Variants in HSD17B4 observed in about 807,000 individuals in gnomAD.
HSD17B4 encodes hydroxysteroid 17-beta dehydrogenase 4, also known as peroxisomal multifunctional enzyme type 2.
Under a neutral mutation model 101.0 loss-of-function variants are expected in HSD17B4, and 70 were observed. That is an observed-to-expected ratio of 0.69 (90% CI 0.57 to 0.85). The LOEUF is 0.85. Among genes scored for constraint, HSD17B4 ranks in the 40% least tolerant of loss-of-function variants. The pLI, the probability that HSD17B4 is intolerant of heterozygous loss-of-function variation, is 0.00. For missense variants in HSD17B4, 984 were observed against 892.4 expected (o/e 1.10, Z -1.31); for synonymous variants, 347 against 297.1 (o/e 1.17, Z -1.73).
chr5:119,509,171 G>T lies in HSD17B4; in HGVS notation c.1364G>T (p.Cys455Phe). 1.3e-6 allele frequency: 2 copies of T among 1,599,992 alleles called. No individual in the cohort carries two copies. The highest frequency in any genetic ancestry group is 2.2e-5 in the South Asian group (2 of 90,748). The part of the protein sequence containing the change: ...VYSYSEKELI[C>F]HNQFSLFLVG... ...TCTTATTCTGAGAAGGAACTTATAT[G>T]CCACAATCAGTTCTCTCTCTTTCTT... The change falls in exon 16 of 24, where the codon TGC becomes TTC. Residue 455 changes from cysteine (C) to phenylalanine (F), a missense_variant. Transcript: ENST00000510025.
chr5:119,485,648 T>C (rs920787989), intron 8 of HSD17B4, among the ~76,000 whole-genome samples: 6 of 152,228 alleles, frequency 3.9e-5, no homozygotes, highest in Non-Finnish European at 1.5e-5. Flanking sequence ...AGGAATTATT[T>C]GTTAAAGAAC....
At chr5:119,479,264 A>C (rs1580563401) in intron 8 of HSD17B4, among the ~76,000 whole-genome samples, 1 of 150,066 alleles carries the variant, frequency 6.7e-6, no homozygotes, top group Non-Finnish European at 1.5e-5. Context: ...CATATTCATA[A>C]TTTTTTTTTT....
At chr5:119,526,308 G>A (rs1233430844) in intron 19 of HSD17B4, among the ~76,000 whole-genome samples, 1 of 101,830 alleles carries the variant, frequency 9.8e-6, no homozygotes, top group Non-Finnish European at 2.0e-5. Context: ...CAGTACGTAT[G>A]CCTTGAAAAC....
At chr5:119,514,544 A>G (rs1260919148) in intron 16 of HSD17B4, among the ~76,000 whole-genome samples, 4 of 152,186 alleles carry the variant, frequency 2.6e-5, no homozygotes, top group Non-Finnish European at 5.9e-5. Context: ...TAATTCAAAT[A>G]TTTTTGGTAA....
intron 2 of HSD17B4, among the ~76,000 whole-genome samples, chr5:119,460,244 T>C (rs1339928285): frequency 1.3e-5 from 2 of 152,182 alleles, no homozygotes; most frequent in South Asian, 2.1e-4. Flanking sequence ...GGGCTAAATA[T>C]TTAAACCATC....
Position 119,526,004 on chromosome 5 carries a change from C to T in HSD17B4, c.1661C>T (p.Ser554Leu), listed in dbSNP as rs760850787. The stretch of plus-strand genomic sequence containing the variant: ...CAGCAGTTTGCAGATAATGATGTGT[C>T]AAGATTCAAGGCAATTAAGGTAAAT... ...VLQQFADNDV[S>L]RFKAIKARFA... Residue 554 changes from serine (S) to leucine (L), a missense_variant, in exon 19 of 24, where the codon TCA becomes TTA. Coordinates refer to ENST00000510025, the MANE Select transcript of HSD17B4 (RefSeq NM_000414.4). The T allele has an allele frequency of 1.3e-6, 2 of 1,594,554 alleles. No homozygotes were observed. Among genetic ancestry groups the T allele is most frequent in the Non-Finnish European group, 1.7e-6 (2 of 1,162,620 alleles).
intron 6 of HSD17B4, 95 bp downstream of exon 6, chr5:119,475,965 C>G (rs894934049): frequency 2.9e-5 from 26 of 883,404 alleles, no homozygotes; most frequent in Non-Finnish European, 4.1e-5. Flanking sequence ...AAACCTGCTT[C>G]TATCTACTTT....
intron 2 of HSD17B4, among the ~76,000 whole-genome samples, chr5:119,473,297 ACTTTT>A (rs1748194882): frequency 3.4e-5 from 1 of 29,804 alleles, no homozygotes; most frequent in Admixed American, 5.0e-4. Context: ...TTTTTTTTTT[ACTTTT>A]CTTCCCTGCT....
At chr5:119,453,514 C>T (rs1156725714) in intron 1 of HSD17B4, among the ~76,000 whole-genome samples, 1 of 152,216 alleles carries the variant, frequency 6.6e-6, no homozygotes. Context: ...ACCTCTGTAA[C>T]CTCCAAGTGC....
At chr5:119,509,398 C>G (rs1751963006) in intron 16 of HSD17B4, 154 bp downstream of exon 16, 3 of 707,264 alleles carry the variant, frequency 4.2e-6, no homozygotes, top group Non-Finnish European at 7.7e-6. Flanking sequence ...AGACCAGTCC[C>G]TCTTCTTCCT....
chr5:119,482,038 G>A (rs1749188157), intron 8 of HSD17B4, among the ~76,000 whole-genome samples: 1 of 151,942 alleles, frequency 6.6e-6, no homozygotes, highest in Non-Finnish European at 1.5e-5. Flanking sequence ...AGATTCCTGT[G>A]GTTTGGTGTC....
chr5:119,542,097 A>G lies in HSD17B4; in HGVS notation c.*103A>G. 1 of 775,978 alleles carries G rather than the reference A, an allele frequency of 1.3e-6. No individual in the cohort carries two copies. The highest frequency in any genetic ancestry group is 2.3e-6 in the Non-Finnish European group (1 of 442,064). The allele number at this position is 775,978 out of a possible 1,614,324, so 48.1% of individuals were successfully genotyped here. A position where few individuals can be genotyped will look rare whatever the true frequency, so the allele number is the denominator to read the frequency against. On this transcript the variant is annotated 3_prime_UTR_variant, in exon 24 of 24. Transcript: ENST00000510025. ...AGTGATTAGAACTAAGATGCAGGGG[A>G]AATTGCTTAACATTTTCAGATATCA...
At chr5:119,475,607 TG>T in intron 4 of HSD17B4, 98 bp from the exon 5 acceptor site, 1 of 927,068 alleles carries the variant, frequency 1.1e-6, no homozygotes, top group Non-Finnish European at 1.7e-6. Context: ...TACTTTTTCA[TG>T]GTTAAAAAAC....
intron 8 of HSD17B4, among the ~76,000 whole-genome samples, chr5:119,485,540 T>C (rs1749541082): frequency 6.6e-6 from 1 of 152,168 alleles, no homozygotes; most frequent in African/African-American, 2.4e-5. Flanking sequence ...TTTATTCTGC[T>C]TTTTTCTTAC....
Position 119,466,186 on chromosome 5 carries a change from A to G in HSD17B4, c.113-7722A>G, listed in dbSNP as rs190074623. Among the ~76,000 whole-genome samples, 3 of 152,188 alleles carry G rather than the reference A, an allele frequency of 2.0e-5. No homozygotes were observed. In the East Asian group the frequency reaches 5.8e-4, roughly 29 times the overall value. On this transcript the variant is annotated intron_variant, in intron 2 of 23. Transcript: ENST00000510025. ...ACTTGATTGTGATATATTATCTTCT[A>G]ATTGGATTCAGTTTGCTAGTATTTT...
Position 119,536,403 on chromosome 5 carries a change from T to A in HSD17B4, c.1994-20T>A, listed in dbSNP as rs773066084. On this transcript the variant is annotated intron_variant, in intron 22 of 23. Transcript: ENST00000510025. ...TTGGAGAGAAAAAGATACACATTGG[T>A]TTCTTCCTATTTTTCCCAGCTATTG... is the stretch of plus-strand genomic sequence containing the variant. 6.2e-7 allele frequency: 1 copy of A among 1,610,354 alleles called. No individual in the cohort carries two copies. Among genetic ancestry groups the A allele is most frequent in the Non-Finnish European group, 8.5e-7 (1 of 1,177,022 alleles).
chr5:119,486,354 T>C (rs1749608835), intron 8 of HSD17B4, among the ~76,000 whole-genome samples: 1 of 152,164 alleles, frequency 6.6e-6, no homozygotes, highest in African/African-American at 2.4e-5. Flanking sequence ...CTTGCTGTCA[T>C]GCAGCCCCCA....
Position 119,471,569 on chromosome 5 carries a change from A to G in HSD17B4, c.113-2339A>G, listed in dbSNP as rs948534484. On this transcript the variant is annotated intron_variant, in intron 2 of 23. Coordinates refer to ENST00000510025, the MANE Select transcript of HSD17B4 (RefSeq NM_000414.4). ...TTGTTTAAAAAAAATTGTGTTAATC[A>G]TAACTATTACATTTTCATGTATACC... 1.3e-4 allele frequency: 80 copies of G among 630,872 alleles called. 1 individual carries two copies. The highest frequency in any genetic ancestry group is 1.9e-4 in the Non-Finnish European group (79 of 418,024). The allele number at this position is 630,872 out of a possible 1,614,324, so 39.1% of individuals were successfully genotyped here.
At chr5:119,463,655 C>CTTT (rs57252147) in intron 2 of HSD17B4, among the ~76,000 whole-genome samples, 2,070 of 29,696 alleles carry the variant, frequency 0.07, 385 homozygotes, top group Non-Finnish European at 0.1. Context: ...ATTTATATGT[C>CTTT]TTTTTTTTTT....
Sources: gnomAD v4.1 joint callset for allele counts (sites outside exome capture counted in the v4.1 genomes callset) on GRCh38, gnomAD v4.1.1 for gene constraint, MANE v1.5 for transcripts, NCBI Gene and HGNC (gene_info 2026-07-23, HGNC 2026-07-21) for gene names.